KDM5A: variants seen among roughly 807,000 people sequenced by gnomAD.
KDM5A encodes lysine demethylase 5A.
A neutral mutation model predicts 193.5 loss-of-function variants in KDM5A; 42 were observed. That is an observed-to-expected ratio of 0.22 (90% CI 0.17 to 0.28). KDM5A has a LOEUF of 0.28. KDM5A is among the 10% of genes least tolerant of loss of function. The pLI is 1.00. For synonymous variants in KDM5A, 796 were observed against 718.1 expected (o/e 1.11, Z -1.73); for missense variants, 1,692 against 2,055.1 (o/e 0.82, Z 3.42).
intron 10 of KDM5A, among the ~76,000 whole-genome samples, chr12:337,646 CT>C (rs61446610): frequency 0.062 from 8,664 of 140,520 alleles, 447 homozygotes; most frequent in African/African-American, 0.16. Flanking sequence ...TATTTCTAAA[CT>C]TTTTTTTTTT....
Position 318,368 on chromosome 12 carries a change from C to T in KDM5A, c.2635G>A (p.Asp879Asn). The T allele has an allele frequency of 6.2e-7, 1 of 1,614,138 alleles. No homozygotes were observed. The highest frequency in any genetic ancestry group is 8.5e-7 in the Non-Finnish European group (1 of 1,179,972). The change falls in exon 19 of 28, where the codon GAT becomes AAT. Residue 879 changes from aspartate (D) to asparagine (N), a missense_variant. Transcript: ENST00000399788. The part of the protein sequence containing the change: ...PDSSKLQMLI[D>N]MGSSLYVELP... ...TCCACATAGAGACTAGAGCCCATAT[C>T]TATCAACATCTGGAGTTTGGAAGAA...
intron 9 of KDM5A, 93 bp downstream of exon 9, chr12:352,103 CAAAAAAAAA>C (rs58266653): frequency 1.2e-4 from 45 of 378,732 alleles, no homozygotes; most frequent in African/African-American, 2.2e-4. Context: ...GACTCCGTCT[CAAAAAAAAA>C]AAAAAAAAAA....
At chr12:289,093 T>C (rs1943256144) in intron 27 of KDM5A, among the ~76,000 whole-genome samples, 3 of 152,152 alleles carry the variant, frequency 2.0e-5, no homozygotes, top group East Asian at 1.9e-4. Context: ...TGAGAGTTCA[T>C]AGTCTCTTAA....
chr12:312,807 G>C (rs1445809096), intron 20 of KDM5A, among the ~76,000 whole-genome samples: 1 of 152,118 alleles, frequency 6.6e-6, no homozygotes, highest in African/African-American at 2.4e-5. Flanking sequence ...GCTGCTGCCC[G>C]GCATTGTGAG....
chr12:309,862 G>A lies in KDM5A; in HGVS notation c.3319C>T (p.Leu1107=). ...TCCTCCAGATCACTCAGAGGCTCCA[G>A]GTCCAGATCCTTTTCTTTTTCTTTT... The part of the protein sequence containing the change: ...IEKEKEKDLD[L]EPLSDLEEGL... The change falls in exon 22 of 28, where the codon CTG becomes TTG. Residue 1107 remains leucine, a synonymous_variant. Transcript: ENST00000399788. 1 of 1,613,912 alleles carries A rather than the reference G, an allele frequency of 6.2e-7. No homozygotes were observed. Among genetic ancestry groups the A allele is most frequent in the Non-Finnish European group, 8.5e-7 (1 of 1,179,980 alleles).
At chr12:371,747 A>G (rs1290063629) in intron 3 of KDM5A, among the ~76,000 whole-genome samples, 2 of 152,164 alleles carry the variant, frequency 1.3e-5, no homozygotes, top group Non-Finnish European at 2.9e-5. Flanking sequence ...TCTAACATTT[A>G]AGTCTTTAAT....
intron 24 of KDM5A, among the ~76,000 whole-genome samples, chr12:298,533 T>G (rs1943402075): frequency 6.6e-6 from 1 of 152,006 alleles, no homozygotes; most frequent in African/African-American, 2.4e-5. Flanking sequence ...ACTCAGAGAC[T>G]CCACCCAAAG....
At chr12:369,690 C>T (rs1306057468) in intron 3 of KDM5A, among the ~76,000 whole-genome samples, 8 of 152,032 alleles carry the variant, frequency 5.3e-5, no homozygotes, top group Admixed American at 6.6e-5. Context: ...AGAAGCATGT[C>T]TAGAGTGTTT....
At chr12:352,178 G>C (rs1360673550) in intron 9 of KDM5A, 27 bp downstream of exon 9, 2 of 1,573,220 alleles carry the variant, frequency 1.3e-6, no homozygotes, top group South Asian at 2.2e-5. Flanking sequence ...TACCTCCCCG[G>C]ACCGACCTAA....
At chr12:306,081 C>A (rs1053869721) in intron 24 of KDM5A, among the ~76,000 whole-genome samples, 1 of 148,908 alleles carries the variant, frequency 6.7e-6, no homozygotes, top group African/African-American at 2.5e-5. Context: ...AAGCAATCCT[C>A]CCACTTCAGC....
At position 295,602 on chromosome 12, in the gene KDM5A, A is replaced by G; in HGVS notation, c.4426T>C (p.Ser1476Pro). 1.2e-6 allele frequency: 2 copies of G among 1,614,122 alleles called. No homozygotes were observed. Among genetic ancestry groups the G allele is most frequent in the Middle Eastern group, 1.7e-4 (1 of 6,060 alleles). The change falls in exon 26 of 28, where the codon TCT becomes CCT. Residue 1476 changes from serine (S) to proline (P), a missense_variant. By Grantham distance (74) the Ser-to-Pro change is moderately conservative. This residue lies in a region of KDM5A where 965 missense variants were observed against 1,061.0 expected (regional missense o/e 0.91). Transcript: ENST00000399788. ...WRILQATHPPSEDRFLHIMED... is the reference protein window; with the variant it reads ...WRILQATHPPPEDRFLHIMED... ...ATGATATGCAAGAATCTGTCTTCAG[A>G]GGGTGGGTGTGTGGCCTGCAAAATC...
In KDM5A at chr12:329,045, C is replaced by T; in HGVS notation, c.1774-16G>A. The T allele has an allele frequency of 6.2e-7, 1 of 1,610,900 alleles. No homozygotes were observed. Among genetic ancestry groups the T allele is most frequent in the South Asian group, 1.1e-5 (1 of 90,984 alleles). On this transcript the variant is annotated splice_polypyrimidine_tract_variant and intron_variant, in intron 13 of 27. Transcript: ENST00000399788. ...CAATGGGCAACTGAAAATGAGATTT[C>T]CAAATTAAATAACTCGCTTATAACA... is the stretch of plus-strand genomic sequence containing the variant.
At position 383,966 on chromosome 12, in the gene KDM5A, A is replaced by T. The variant is rs368880412; in HGVS notation, c.366+65T>A. The T allele has an allele frequency of 2.3e-5, 35 of 1,530,024 alleles. 1 individual carries two copies. The highest frequency in any genetic ancestry group is 2.0e-4 in the East Asian group (9 of 44,210). The allele number at this position is 1,530,024 out of a possible 1,614,324, so 94.8% of individuals were successfully genotyped here. A position where few individuals can be genotyped will look rare whatever the true frequency, so the allele number is the denominator to read the frequency against. On this transcript the variant is annotated intron_variant, in intron 3 of 27. Coordinates refer to ENST00000399788, the MANE Select transcript of KDM5A (RefSeq NM_001042603.3). ...CTATTGGAAGCAATGTTTCCTACCAAATCTATTTGATATTCCTAAATTCAC... is the reference window on the plus strand; with the variant it reads ...CTATTGGAAGCAATGTTTCCTACCATATCTATTTGATATTCCTAAATTCAC...
Position 295,697 on chromosome 12 carries a change from T to C in KDM5A, c.4331A>G (p.Gln1444Arg), listed in dbSNP as rs1195168105. 1.2e-6 allele frequency: 2 copies of C among 1,614,162 alleles called. No individual in the cohort carries two copies. The highest frequency in any genetic ancestry group is 2.2e-5 in the South Asian group (2 of 91,086). Residue 1444 changes from glutamine to arginine, a missense_variant, in exon 26 of 28, where the codon CAA becomes CGA. Transcript: ENST00000399788. ...VLELSPGAKAQLEELMMVGDL... is the reference protein window; with the variant it reads ...VLELSPGAKARLEELMMVGDL... ...TCCAACCATCATAAGTTCTTCCAGT[T>C]GTGCCTTAGCTCCAGGTGACAACTC...
At chr12:355,771 T>C (rs1218824982) in intron 6 of KDM5A, among the ~76,000 whole-genome samples, 1 of 152,208 alleles carries the variant, frequency 6.6e-6, no homozygotes, top group South Asian at 2.1e-4. Flanking sequence ...TTGTATGACT[T>C]TACACATCTA....
chr12:295,866 T>C (rs970821063), intron 25 of KDM5A, 73 bp from the exon 26 acceptor site: 20 of 1,294,722 alleles, frequency 1.5e-5, no homozygotes, highest in Non-Finnish European at 2.2e-5. Flanking sequence ...TCAAAGCAAA[T>C]ATTGAGACTA....
intron 14 of KDM5A, among the ~76,000 whole-genome samples, chr12:328,575 T>C (rs1027239337): frequency 3.9e-5 from 6 of 152,228 alleles, no homozygotes; most frequent in African/African-American, 1.4e-4. Context: ...CAATACTGTA[T>C]GTAGAAGATT....
Position 323,929 on chromosome 12 carries a change from C to T in KDM5A, c.1969-148G>A, listed in dbSNP as rs972155398. 28 of 699,792 alleles carry T rather than the reference C, an allele frequency of 4.0e-5. No homozygotes were observed. In the South Asian group the frequency reaches 4.5e-4, roughly 11 times the overall value. The allele number at this position is 699,792 out of a possible 1,614,324, so 43.3% of individuals were successfully genotyped here. A position where few individuals can be genotyped will look rare whatever the true frequency, so the allele number is the denominator to read the frequency against. On this transcript the variant is annotated intron_variant, in intron 14 of 27. Transcript: ENST00000399788. ...CAATGGCACAACATCAAAATACTTC[C>T]TAAAAGTAATCATTGCTAAATTTTT...
In KDM5A at chr12:323,767, T is replaced by A. The variant is rs2229349; in HGVS notation, c.1983A>T (p.Ser661=). Residue 661 remains serine (S), a synonymous_variant, in exon 15 of 28, where the codon TCA becomes TCT. Coordinates refer to ENST00000399788, the MANE Select transcript of KDM5A (RefSeq NM_001042603.3). ...ESVVQMGVLM[S]EEEVFELVPD... is the part of the protein sequence containing the mutation. Reference sequence around the variant, plus strand: ...GAACAAGTTCAAACACTTCTTCTTCTGACATCAGGACACCCTGAAATATAA... The same window carrying A: ...GAACAAGTTCAAACACTTCTTCTTCAGACATCAGGACACCCTGAAATATAA... 4 of 1,613,578 alleles carry A rather than the reference T, an allele frequency of 2.5e-6. No individual in the cohort carries two copies. In the African/African-American group the frequency reaches 5.3e-5, roughly 22 times the overall value.
Sources: gnomAD v4.1 joint callset for allele counts (sites outside exome capture counted in the v4.1 genomes callset) on GRCh38, gnomAD v4.1.1 for gene constraint, gnomAD v4.1.1 regional missense constraint, MANE v1.5 for transcripts, NCBI Gene and HGNC (gene_info 2026-07-23, HGNC 2026-07-21) for gene names.